Variants in EME1 observed in about 807,000 individuals in gnomAD.
EME1 encodes the protein essential meiotic structure-specific endonuclease 1, also known as structure-specific endonuclease subunit EME1.
A neutral mutation model predicts 59.1 loss-of-function variants in EME1; 61 were observed. The observed-to-expected ratio is 1.03, with a 90% confidence interval of 0.84 to 1.28. The LOEUF (loss-of-function observed/expected upper bound fraction) is 1.28. EME1 is among the 50% of genes most tolerant of loss of function. The pLI, the probability that EME1 is intolerant of heterozygous loss-of-function variation, is 0.00. For missense variants in EME1, 635 were observed against 682.6 expected (o/e 0.93, Z 0.78); for synonymous variants, 230 against 254.2 (o/e 0.90, Z 0.90).
chr17:50,379,927 T>G, intron 7 of EME1: 1 of 293,434 alleles, frequency 3.4e-6, no homozygotes, highest in South Asian at 5.2e-5. Flanking sequence ...TGTCAGAATT[T>G]AAAATAAGTA....
Position 50,380,351 on chromosome 17 carries a change from G to C in EME1, c.1386G>C (p.Glu462Asp). The C allele has an allele frequency of 6.2e-7, 1 of 1,613,550 alleles. No homozygotes were observed. The part of the protein sequence containing the change: ...RDETTFSFCL[E>D]SDWAGGVKVD... ...AAACTACCTTCTCCTTCTGTCTGGA[G>C]AGTGACTGGGCTGGAGGGGTGAAGG... is the stretch of plus-strand genomic sequence containing the variant. The change falls in exon 8 of 9, where the codon GAG (glutamate) becomes GAC (aspartate). Residue 462 changes from glutamate (E) to aspartate (D), a missense_variant. By Grantham distance (45) the Glu-to-Asp change is conservative. Transcript: ENST00000338165.
rs762519326 is a variant in EME1, at chr17:50,380,429, G to A, written c.1464G>A (p.Gln488=). ...TAGTCTGGAGGAGACAGATTCAGCA[G>A]CTGAACCGAGTCAGCCTGGAAATGG... is the stretch of plus-strand genomic sequence containing the variant. ...LALVWRRQIQ[Q]LNRVSLEMAS... is the part of the protein sequence containing the mutation. Residue 488 remains glutamine (Q), a synonymous_variant, in exon 8 of 9, where the codon CAG becomes CAA. Coordinates refer to ENST00000338165, the MANE Select transcript of EME1 (RefSeq NM_152463.4). The A allele has an allele frequency of 6.2e-7, 1 of 1,614,112 alleles. No homozygotes were observed. Among genetic ancestry groups the A allele is most frequent in the African/African-American group, 1.3e-5 (1 of 74,934 alleles).
chr17:50,373,389 G>C, intron 1 of EME1, 112 bp downstream of exon 1: 1 of 617,716 alleles, frequency 1.6e-6, no homozygotes, highest in Non-Finnish European at 2.8e-6. Flanking sequence ...CGGACCGCCA[G>C]CCTGAGAGGC....
intron 7 of EME1, chr17:50,379,957 C>T (rs1184667843): frequency 3.4e-6 from 1 of 297,000 alleles, no homozygotes; most frequent in Non-Finnish European, 6.4e-6. Context: ...AGAGACAATC[C>T]AGTCCAAGTC....
chr17:50,373,298 G>T, intron 1 of EME1, 21 bp downstream of exon 1: 1 of 1,337,270 alleles, frequency 7.5e-7, no homozygotes, highest in Non-Finnish European at 1.0e-6. Context: ...CCGGTCGCAG[G>T]CCTGCGGATT....
In EME1 at chr17:50,375,130, C is replaced by G. The variant is rs541428836; in HGVS notation, c.-24-55C>G. 5.1e-6 allele frequency: 7 copies of G among 1,385,478 alleles called. No individual in the cohort carries two copies. In the African/African-American group the frequency reaches 5.8e-5, roughly 11 times the overall value. 85.8% of individuals were successfully genotyped at this position (1,385,478 alleles called of 1,614,324 possible). On this transcript the variant is annotated intron_variant, in intron 1 of 8. Coordinates refer to ENST00000338165, the MANE Select transcript of EME1 (RefSeq NM_152463.4). ...CATAAAGCCTGGCTATGGAACACAGCTAGTGGACTGAATTGAATGCTCCAG... is the reference window on the plus strand; with the variant it reads ...CATAAAGCCTGGCTATGGAACACAGGTAGTGGACTGAATTGAATGCTCCAG...
intron 7 of EME1, chr17:50,379,833 C>T (rs1913699467): frequency 2.3e-6 from 1 of 428,800 alleles, no homozygotes; most frequent in Non-Finnish European, 4.3e-6. Flanking sequence ...GGCCAAGTTA[C>T]CAGGATTAAT....
intron 5 of EME1, 54 bp downstream of exon 5, chr17:50,378,949 G>T: frequency 6.2e-7 from 1 of 1,613,746 alleles, no homozygotes. Flanking sequence ...TTGGGCCAAG[G>T]GGGGTGAGTT....
Position 50,379,535 on chromosome 17 carries a change from A to C in EME1, c.1314A>C (p.Ala438=). Residue 438 remains alanine, a synonymous_variant, in exon 7 of 9, where the codon GCA becomes GCC. Transcript: ENST00000338165. ...SWKELADFTC[A]FTKAVAEAPF... is the part of the protein sequence containing the mutation. The stretch of plus-strand genomic sequence containing the variant: ...AAGAGCTGGCCGACTTCACATGCGC[A>C]TTCACAAAGGCTGTGGCTGAGGCGC... 1 of 1,614,208 alleles carries C rather than the reference A, an allele frequency of 6.2e-7. No homozygotes were observed. Among genetic ancestry groups the C allele is most frequent in the South Asian group, 1.1e-5 (1 of 91,082 alleles).
chr17:50,376,625 C>T (rs767800410), intron 3 of EME1, among the ~76,000 whole-genome samples: 1 of 152,180 alleles, frequency 6.6e-6, no homozygotes, highest in East Asian at 1.9e-4. Context: ...CGGTTGAGAA[C>T]CATTGGCATA....
Position 50,379,452 on chromosome 17 carries a change from G to A in EME1, c.1231G>A (p.Ala411Thr), listed in dbSNP as rs1913665773. Reference sequence around the variant, plus strand: ...TCCATCGTTGCTTTTGGGTTTCTAGGCATTGGTGGATCTGCAGCTACACAC... The same window carrying A: ...TCCATCGTTGCTTTTGGGTTTCTAGACATTGGTGGATCTGCAGCTACACAC... ...SMVSRVDAEE[A>T]LVDLQLHTEA... is the part of the protein sequence containing the mutation. Residue 411 changes from alanine (A) to threonine (T), a missense_variant and splice_region_variant, in exon 7 of 9, where the codon GCA (alanine) becomes ACA (threonine). Ala to Thr is a moderately conservative substitution (Grantham distance 58). Transcript: ENST00000338165. 2 of 1,613,832 alleles carry A rather than the reference G, an allele frequency of 1.2e-6. No homozygotes were observed. The highest frequency in any genetic ancestry group is 2.2e-5 in the South Asian group (2 of 91,008).
chr17:50,374,968 T>G (rs577364502), intron 1 of EME1: 1 of 421,350 alleles, frequency 2.4e-6, no homozygotes, highest in Admixed American at 4.1e-5. Context: ...CTCTACTTTG[T>G]TTATACTTCA....
At chr17:50,377,057 T>G (rs1156844881) in intron 3 of EME1, among the ~76,000 whole-genome samples, 1 of 152,088 alleles carries the variant, frequency 6.6e-6, no homozygotes, top group African/African-American at 2.4e-5. Flanking sequence ...GCACTAAGAT[T>G]CTTTTTTATC....
At chr17:50,374,517 G>A (rs1272161882) in intron 1 of EME1, among the ~76,000 whole-genome samples, 3 of 151,990 alleles carry the variant, frequency 2.0e-5, no homozygotes, top group South Asian at 2.1e-4. Flanking sequence ...GGGATTATAC[G>A]CATGAGCTAC....
intron 6 of EME1, 74 bp downstream of exon 6, chr17:50,379,298 A>G (rs767424087): frequency 8.8e-6 from 14 of 1,597,694 alleles, no homozygotes; most frequent in South Asian, 1.1e-5. Flanking sequence ...ATAGAGAATA[A>G]AATGCCTGCT....
Position 50,381,205 on chromosome 17 carries a change from G to A in EME1, c.*266G>A. The A allele has an allele frequency of 2.3e-6, 1 of 442,568 alleles. No individual in the cohort carries two copies. Among genetic ancestry groups the A allele is most frequent in the East Asian group, 3.8e-5 (1 of 26,186 alleles). The allele number at this position is 442,568 out of a possible 1,614,324, so 27.4% of individuals were successfully genotyped here. On this transcript the variant is annotated 3_prime_UTR_variant, in exon 9 of 9. Coordinates refer to ENST00000338165, the MANE Select transcript of EME1 (RefSeq NM_152463.4). ...GACAAACCACCCCCACTCCTACCCA[G>A]CCAGCCCTCAAAACACAAAGGAACA...
rs949200235 is a variant in EME1, at chr17:50,374,958, C to T, written c.-24-227C>T. The T allele has an allele frequency of 8.2e-6, 3 of 365,508 alleles. No individual in the cohort carries two copies. The Admixed American group carries it at 1.3e-4, about 16-fold the overall frequency. 22.6% of individuals were successfully genotyped at this position (365,508 alleles called of 1,614,324 possible). ...CCCCATTAAAATTTTGTAATGGTAA[C>T]TCTACTTTGTTTATACTTCAGCTTG... On this transcript the variant is annotated intron_variant, in intron 1 of 8. Coordinates refer to ENST00000338165, the MANE Select transcript of EME1 (RefSeq NM_152463.4).
At chr17:50,373,302 G>T (rs941509972) in intron 1 of EME1, 25 bp downstream of exon 1, 14 of 1,279,370 alleles carry the variant, frequency 1.1e-5, no homozygotes, top group Non-Finnish European at 1.5e-5. Flanking sequence ...TCGCAGGCCT[G>T]CGGATTGGGC....
rs1598363463 is a variant in EME1, at chr17:50,379,131, G to C, written c.1137G>C (p.Gly379=). The C allele has an allele frequency of 1.2e-5, 19 of 1,614,098 alleles. No individual in the cohort carries two copies. In the East Asian group the frequency reaches 4.2e-4, roughly 36 times the overall value. ...CFSAQNPPRR[G]KQGANKQTKK... is the part of the protein sequence containing the mutation. Reference sequence around the variant, plus strand: ...GTGCTCAGAATCCTCCAAGAAGAGGGAAACAGGGAGCAAATAAACAGACCA... The same window carrying C: ...GTGCTCAGAATCCTCCAAGAAGAGGCAAACAGGGAGCAAATAAACAGACCA... The change falls in exon 6 of 9, where the codon GGG becomes GGC. Residue 379 remains glycine, a synonymous_variant. Coordinates refer to ENST00000338165, the MANE Select transcript of EME1 (RefSeq NM_152463.4).
Sources: gnomAD v4.1 joint callset for allele counts (sites outside exome capture counted in the v4.1 genomes callset) on GRCh38, gnomAD v4.1.1 for gene constraint, MANE v1.5 for transcripts, NCBI Gene and HGNC (gene_info 2026-07-23, HGNC 2026-07-21) for gene names.